The following UBALD2 variants were observed in gnomAD, a reference collection of about 807,000 sequenced individuals.
UBALD2 encodes UBA like domain containing 2.
A neutral mutation model predicts 15.9 loss-of-function variants in UBALD2; 8 were observed. That is an observed-to-expected ratio of 0.50 (90% CI 0.29 to 0.91). The LOEUF (loss-of-function observed/expected upper bound fraction) is 0.91, where lower values mean the gene tolerates loss of function less well. Among genes scored for constraint, UBALD2 ranks in the 40% least tolerant of loss-of-function variants. The pLI, the probability that UBALD2 is intolerant of heterozygous loss-of-function variation, is 0.07. For missense variants in UBALD2, 178 were observed against 234.8 expected (o/e 0.76, Z 1.58); for synonymous variants, 113 against 97.7 (o/e 1.16, Z -0.93).
In UBALD2 at chr17:76,265,624, A is replaced by G; in HGVS notation, c.119A>G (p.Glu40Gly). The change falls in exon 1 of 3, where the codon GAG becomes GGG. Residue 40 changes from glutamate to glycine, a missense_variant and splice_region_variant. Transcript: ENST00000327490. ...QLLQAAHWQF[E>G]TALSTFFQET... Reference sequence around the variant, plus strand: ...CTGCAGGCGGCCCACTGGCAGTTCGAGGTGCGAGCCTGGCCGCCGCGGGGC... The same window carrying G: ...CTGCAGGCGGCCCACTGGCAGTTCGGGGTGCGAGCCTGGCCGCCGCGGGGC... 1 of 1,253,316 alleles carries G rather than the reference A, an allele frequency of 8.0e-7. No individual in the cohort carries two copies. The highest frequency in any genetic ancestry group is 2.0e-5 in the South Asian group (1 of 49,610). The allele number at this position is 1,253,316 out of a possible 1,614,324, so 77.6% of individuals were successfully genotyped here.
In UBALD2 at chr17:76,271,295, C is replaced by T. The variant is rs188813306; in HGVS notation, c.*790C>T. 2.6e-5 allele frequency: 4 copies of T among 152,362 alleles called. No homozygotes were observed. Among genetic ancestry groups the T allele is most frequent in the South Asian group, 2.1e-4 (1 of 4,826 alleles). 9.4% of individuals were successfully genotyped at this position (152,362 alleles called of 1,614,324 possible). A position where few individuals can be genotyped will look rare whatever the true frequency, so the allele number is the denominator to read the frequency against. ...AAAACTTAAAAAGAGACTTTTCTAA[C>T]TTCCCTGGTTTGCGGTGCTTTTATT... On this transcript the variant is annotated 3_prime_UTR_variant, in exon 3 of 3. Coordinates refer to ENST00000327490, the MANE Select transcript of UBALD2 (RefSeq NM_182565.4).
chr17:76,265,659 G>C lies in UBALD2; in HGVS notation c.120+34G>C, dbSNP rs1346275585. On this transcript the variant is annotated intron_variant, in intron 1 of 2. Coordinates refer to ENST00000327490, the MANE Select transcript of UBALD2 (RefSeq NM_182565.4). ...CTGGCCGCCGCGGGGCCGGGCCGCG[G>C]GGGTCGGGGACGCCGGGCGGCGGCG... 3.5e-6 allele frequency: 4 copies of C among 1,146,008 alleles called. No homozygotes were observed. In the East Asian group the frequency reaches 1.9e-4, roughly 55 times the overall value. 71.0% of individuals were successfully genotyped at this position (1,146,008 alleles called of 1,614,324 possible). A position where few individuals can be genotyped will look rare whatever the true frequency, so the allele number is the denominator to read the frequency against.
rs1477520111 is a variant in UBALD2 at position 76,269,761 on chromosome 17, G to T, written c.184-433G>T. Among the ~76,000 whole-genome samples the T allele has an allele frequency of 6.6e-6, 1 of 152,190 alleles. No individual in the cohort carries two copies. The highest frequency in any genetic ancestry group is 2.4e-5 in the African/African-American group (1 of 41,448). On this transcript the variant is annotated intron_variant, in intron 2 of 2. Transcript: ENST00000327490. This position sits in a 1 kb window ranked among gnomAD's most constrained non-coding sequence, Gnocchi z 4.6. ...TTCCAGGGTTGGCACAGGAGGGAGA[G>T]CCTCCCCGCTGGCCGCTCTCCCTTG...
rs1053815124 is a variant in UBALD2, at chr17:76,265,397, A to G, written c.-109A>G. The stretch of plus-strand genomic sequence containing the variant: ...GCGGAGCGGGCGGCGGAGCGGCGGC[A>G]GCAGCGGTGAGCGCGAGCCCCGGAG... On this transcript the variant is annotated 5_prime_UTR_variant, in exon 1 of 3. Coordinates refer to ENST00000327490, the MANE Select transcript of UBALD2 (RefSeq NM_182565.4). 1.9e-5 allele frequency: 18 copies of G among 939,128 alleles called. No individual in the cohort carries two copies. In the Admixed American group the frequency reaches 9.0e-4, roughly 47 times the overall value. The allele number at this position is 939,128 out of a possible 1,614,324, so 58.2% of individuals were successfully genotyped here.
In UBALD2 at chr17:76,270,324, C is replaced by A; in HGVS notation, c.314C>A (p.Pro105Gln). The A allele has an allele frequency of 1.2e-6, 2 of 1,607,564 alleles. No homozygotes were observed. Among genetic ancestry groups the A allele is most frequent in the Non-Finnish European group, 1.7e-6 (2 of 1,178,870 alleles). Residue 105 changes from proline to glutamine, a missense_variant, in exon 3 of 3, where the codon CCA (proline) becomes CAA (glutamine). Pro to Gln is a moderately conservative substitution (Grantham distance 76). Coordinates refer to ENST00000327490, the MANE Select transcript of UBALD2 (RefSeq NM_182565.4). ...CCCATGACAGCCGCAGCCTGCTCCC[C>A]ACCTGCAAACTTCAGCCCCTTCTGG... Reference protein sequence around the residue: ...NSPMTAAACSPPANFSPFWAS... With the variant: ...NSPMTAAACSQPANFSPFWAS...
rs531717659 is a variant in UBALD2, at chr17:76,270,157, C to T, written c.184-37C>T. The T allele has an allele frequency of 1.9e-5, 30 of 1,601,692 alleles. No individual in the cohort carries two copies. In the African/African-American group the frequency reaches 2.9e-4, roughly 16 times the overall value. ...CCCCATCCAGTGGCTCGGGGACCCC[C>T]GAGGCAGCCTCCCCACACCCGTGTT... On this transcript the variant is annotated intron_variant, in intron 2 of 2. Transcript: ENST00000327490.
chr17:76,269,021 C>T lies in UBALD2; in HGVS notation c.184-1173C>T, dbSNP rs2070566098. ...AAGTGCTGGGATTACAGACGTGAGC[C>T]ACTGCGCCCTGCCAAAGCTCCCTCT... On this transcript the variant is annotated intron_variant, in intron 2 of 2. Transcript: ENST00000327490. The surrounding 1 kb of genome is among the most constrained non-coding windows in gnomAD (Gnocchi z 4.6). Among the ~76,000 whole-genome samples the T allele has an allele frequency of 6.6e-6, 1 of 152,164 alleles. No homozygotes were observed. Among genetic ancestry groups the T allele is most frequent in the South Asian group, 2.1e-4 (1 of 4,834 alleles).
At chr17:76,267,098 C>G (rs1486154190) in intron 2 of UBALD2, among the ~76,000 whole-genome samples, 2 of 152,116 alleles carry the variant, frequency 1.3e-5, no homozygotes, top group Admixed American at 1.3e-4. Context: ...CCAGGGGACA[C>G]CGTCCCCTGC....
chr17:76,265,804 G>A lies in UBALD2; in HGVS notation c.121-103G>A, dbSNP rs866607624. 59 of 1,479,332 alleles carry A rather than the reference G, an allele frequency of 4.0e-5. No individual in the cohort carries two copies. The African/African-American group carries it at 7.1e-4, about 18-fold the overall frequency. The allele number at this position is 1,479,332 out of a possible 1,614,324, so 91.6% of individuals were successfully genotyped here. A position where few individuals can be genotyped will look rare whatever the true frequency, so the allele number is the denominator to read the frequency against. On this transcript the variant is annotated intron_variant, in intron 1 of 2. Coordinates refer to ENST00000327490, the MANE Select transcript of UBALD2 (RefSeq NM_182565.4). ...CACGTGGGGCAGCCGAGGGTCGGGG[G>A]CCGCGGGCCGGGCGCGGAGGCGGGG...
intron 1 of UBALD2, 46 bp downstream of exon 1, chr17:76,265,671 G>A (rs1473468786): frequency 2.6e-6 from 3 of 1,152,954 alleles, no homozygotes; most frequent in Non-Finnish European, 3.2e-6. Context: ...GGTCGGGGAC[G>A]CCGGGCGGCG....
rs952214057 is a variant in UBALD2 at position 76,269,184 on chromosome 17, A to G, written c.184-1010A>G. 6.6e-6 allele frequency among the ~76,000 whole-genome samples: 1 copy of G among 152,130 alleles called. No individual in the cohort carries two copies. The highest frequency in any genetic ancestry group is 2.4e-5 in the African/African-American group (1 of 41,418). ...AGGGAGAAAGCAGCTTTGAGGTCCC[A>G]GCCAGTTTTGTGTGGTCTTGTTCTC... On this transcript the variant is annotated intron_variant, in intron 2 of 2. Transcript: ENST00000327490. This position sits in a 1 kb window ranked among gnomAD's most constrained non-coding sequence, Gnocchi z 4.6.
In UBALD2 at chr17:76,270,706, A is replaced by G. The variant is rs145649118; in HGVS notation, c.*201A>G. On this transcript the variant is annotated 3_prime_UTR_variant, in exon 3 of 3. Transcript: ENST00000327490. Reference sequence around the variant, plus strand: ...TGGGTCCTTCAGGAGTTTTTCAGGCAAGTTTTTCCTCTGTTTTTAATATAT... The same window carrying G: ...TGGGTCCTTCAGGAGTTTTTCAGGCGAGTTTTTCCTCTGTTTTTAATATAT... 1,174 of 482,846 alleles carry G rather than the reference A, an allele frequency of 2.4e-3. 13 individuals are homozygous for G. Among genetic ancestry groups the G allele is most frequent in the African/African-American group, 0.022 (1,065 of 49,176 alleles). The allele number at this position is 482,846 out of a possible 1,614,324, so 29.9% of individuals were successfully genotyped here.
rs1407930203 is a variant in UBALD2 at position 76,265,644 on chromosome 17, C to T, written c.120+19C>T. ...GTTCGAGGTGCGAGCCTGGCCGCCG[C>T]GGGGCCGGGCCGCGGGGGTCGGGGA... On this transcript the variant is annotated intron_variant, in intron 1 of 2. Coordinates refer to ENST00000327490, the MANE Select transcript of UBALD2 (RefSeq NM_182565.4). 3 of 1,135,554 alleles carry T rather than the reference C, an allele frequency of 2.6e-6. No individual in the cohort carries two copies. The highest frequency in any genetic ancestry group is 3.2e-6 in the Non-Finnish European group (3 of 928,558). 70.3% of individuals were successfully genotyped at this position (1,135,554 alleles called of 1,614,324 possible). A position where few individuals can be genotyped will look rare whatever the true frequency, so the allele number is the denominator to read the frequency against.
rs140343803 is a variant in UBALD2 at position 76,269,129 on chromosome 17, C to T, written c.184-1065C>T. On this transcript the variant is annotated intron_variant, in intron 2 of 2. Coordinates refer to ENST00000327490, the MANE Select transcript of UBALD2 (RefSeq NM_182565.4). The surrounding 1 kb of genome is among the most constrained non-coding windows in gnomAD (Gnocchi z 4.6). ...AGTGTTGCTAAAATTAGGAGAAATTCAAAGAAGGACTCCTGTGGCTTCCTG... is the reference window on the plus strand; with the variant it reads ...AGTGTTGCTAAAATTAGGAGAAATTTAAAGAAGGACTCCTGTGGCTTCCTG... 1.2e-4 allele frequency among the ~76,000 whole-genome samples: 18 copies of T among 152,240 alleles called. No homozygotes were observed. Among genetic ancestry groups the T allele is most frequent in the Admixed American group, 4.6e-4 (7 of 15,308 alleles).
rs945494228 is a variant in UBALD2 at position 76,265,429 on chromosome 17, G to GCGGC, written c.-71_-68dup. Reference sequence around the variant, plus strand: ...GTGAGCGCGAGCCCCGGAGCCCCGGGCGGCCGGCCTCCCGCGCCCGCGCAG... The same window carrying GCGGC: ...GTGAGCGCGAGCCCCGGAGCCCCGGGCGGCCGGCCGGCCTCCCGCGCCCGCGCAG... On this transcript the variant is annotated 5_prime_UTR_variant, in exon 1 of 3. Transcript: ENST00000327490. 3.8e-5 allele frequency: 37 copies of GCGGC among 983,882 alleles called. No individual in the cohort carries two copies. The East Asian group carries it at 1.5e-3, about 39-fold the overall frequency. 60.9% of individuals were successfully genotyped at this position (983,882 alleles called of 1,614,324 possible).
chr17:76,268,794 C>T (rs891793507), intron 2 of UBALD2, among the ~76,000 whole-genome samples: 1 of 142,514 alleles, frequency 7.0e-6, no homozygotes, highest in African/African-American at 2.7e-5. Flanking sequence ...AGTGCAGTGA[C>T]GTGATCTCAG....
At chr17:76,268,671 T>C (rs147629480) in intron 2 of UBALD2, among the ~76,000 whole-genome samples, 7 of 151,412 alleles carry the variant, frequency 4.6e-5, no homozygotes, top group Non-Finnish European at 8.8e-5. Context: ...GTGTCCCCAT[T>C]CCATGTATGT....
chr17:76,265,669 A>G, intron 1 of UBALD2, 44 bp downstream of exon 1: 1 of 1,140,598 alleles, frequency 8.8e-7, no homozygotes, highest in Non-Finnish European at 1.1e-6. Flanking sequence ...GGGGTCGGGG[A>G]CGCCGGGCGG....
intron 2 of UBALD2, among the ~76,000 whole-genome samples, chr17:76,268,491 G>A (rs952386826): frequency 2.8e-5 from 4 of 142,628 alleles, no homozygotes; most frequent in African/African-American, 7.7e-5. Context: ...CAGAGGGTGG[G>A]GGGGGGGCAG....
Sources: allele counts gnomAD v4.1 joint callset (sites outside exome capture counted in the v4.1 genomes callset), GRCh38; gene constraint gnomAD v4.1.1; non-coding constraint Gnocchi (gnomAD v3.1); transcripts MANE v1.5; gene names NCBI Gene and HGNC (gene_info 2026-07-23, HGNC 2026-07-21).